NSD2: variants seen among roughly 807,000 people sequenced by gnomAD.
The protein encoded by NSD2 is nuclear receptor binding SET domain protein 2.
In NSD2, 12 loss-of-function variants were observed where a neutral mutation model predicts 139.0. That is an observed-to-expected ratio of 0.09 (90% CI 0.06 to 0.14). NSD2 has a LOEUF of 0.14. Among genes scored for constraint, NSD2 ranks in the 10% least tolerant of loss-of-function variants. The probability of loss-of-function intolerance (pLI) is 1.00; values close to 1 mark genes in which losing one functional copy is unlikely to be tolerated. For synonymous variants in NSD2, 669 were observed against 648.7 expected (o/e 1.03, Z -0.48); for missense variants, 1,155 against 1,745.0 (o/e 0.66, Z 6.02).
chr4:1,936,033 G>A (rs1228753678), intron 7 of NSD2, among the ~76,000 whole-genome samples: 2 of 152,188 alleles, frequency 1.3e-5, no homozygotes, highest in Admixed American at 6.5e-5. Context: ...TAGTTTATTA[G>A]TAATTCATGT....
In NSD2 at chr4:1,981,136, A is replaced by C; in HGVS notation, c.*2227A>C. 2 of 233,314 alleles carry C rather than the reference A, an allele frequency of 8.6e-6. No homozygotes were observed. The highest frequency in any genetic ancestry group is 6.0e-5 in the East Asian group (1 of 16,594). 14.5% of individuals were successfully genotyped at this position (233,314 alleles called of 1,614,324 possible). ...CTTGTGATTTTTAATCGCTTTGATA[A>C]TACTTCCAAATTTTATGATTTTTCT... On this transcript the variant is annotated 3_prime_UTR_variant, in exon 22 of 22. Coordinates refer to ENST00000508803, the MANE Select transcript of NSD2 (RefSeq NM_001042424.3).
At chr4:1,933,809 T>A (rs1050846618) in intron 6 of NSD2, among the ~76,000 whole-genome samples, 5 of 152,184 alleles carry the variant, frequency 3.3e-5, no homozygotes, top group African/African-American at 9.7e-5. Flanking sequence ...ATGTTGAAAT[T>A]AATCATCTCT....
rs374513455 is a variant in NSD2, at chr4:1,928,215, G to A, written c.1411-2411G>A. Reference sequence around the variant, plus strand: ...ATGTGTCCAGCTTGTTTTTTGATATGTTAAGAATAAAGAAGTGGCCACTAT... The same window carrying A: ...ATGTGTCCAGCTTGTTTTTTGATATATTAAGAATAAAGAAGTGGCCACTAT... On this transcript the variant is annotated intron_variant, in intron 5 of 21. Transcript: ENST00000508803. 7.2e-5 allele frequency among the ~76,000 whole-genome samples: 11 copies of A among 152,062 alleles called. No homozygotes were observed. The East Asian group carries it at 1.2e-3, about 16-fold the overall frequency.
chr4:1,977,446 C>G (rs1727211861), intron 21 of NSD2, among the ~76,000 whole-genome samples: 1 of 152,156 alleles, frequency 6.6e-6, no homozygotes, highest in Non-Finnish European at 1.5e-5. Flanking sequence ...TGTGGAATCA[C>G]AGAAGAAAAA....
intron 5 of NSD2, among the ~76,000 whole-genome samples, chr4:1,925,389 C>CTT (rs34335852): frequency 1.6e-4 from 6 of 38,004 alleles, no homozygotes; most frequent in African/African-American, 4.7e-4. Context: ...CTTTTTCTTT[C>CTT]TTTTTTTTTT....
At chr4:1,894,184 T>G (rs1326847363) in intron 1 of NSD2, among the ~76,000 whole-genome samples, 1 of 152,134 alleles carries the variant, frequency 6.6e-6, no homozygotes, top group African/African-American at 2.4e-5. Flanking sequence ...CTCAGACTCC[T>G]GACCTCGAGT....
At chr4:1,912,980 A>G (rs1264152417) in intron 3 of NSD2, among the ~76,000 whole-genome samples, 1 of 152,218 alleles carries the variant, frequency 6.6e-6, no homozygotes, top group Non-Finnish European at 1.5e-5. Context: ...AAATACTTAA[A>G]ATAAGAATAG....
intron 19 of NSD2, 37 bp from the exon 20 acceptor site, chr4:1,975,257 G>A (rs1216577050): frequency 5.0e-6 from 8 of 1,593,930 alleles, no homozygotes; most frequent in Non-Finnish European, 6.0e-6. Context: ...AGAAAGGCAG[G>A]TGTTTCCAAT....
rs768972964 is a variant in NSD2 at position 1,978,683 on chromosome 4, C to T, written c.3872C>T (p.Pro1291Leu). The change falls in exon 22 of 22, where the codon CCT becomes CTT. Residue 1291 changes from proline to leucine, a missense_variant. Physicochemically the swap from Pro to Leu is moderately conservative, Grantham distance 98 (BLOSUM62 -3). Transcript: ENST00000508803. ...PWHHCDVCGK[P>L]STSFCHLCPN... ...CATCATTGTGACGTGTGTGGCAAAC[C>T]TTCGACTTCATTTTGCCACCTCTGC... 6.8e-6 allele frequency: 11 copies of T among 1,613,824 alleles called. No homozygotes were observed. Among genetic ancestry groups the T allele is most frequent in the Admixed American group, 5.0e-5 (3 of 59,986 alleles).
At position 1,980,845 on chromosome 4, in the gene NSD2, G is replaced by A. The variant is rs754764236; in HGVS notation, c.*1936G>A. ...AGTTCAGACTCTAACTTCTCCCAAAGTGTCCTAAGAAAATACTGGATCGGC... is the reference window on the plus strand; with the variant it reads ...AGTTCAGACTCTAACTTCTCCCAAAATGTCCTAAGAAAATACTGGATCGGC... On this transcript the variant is annotated 3_prime_UTR_variant, in exon 22 of 22. Coordinates refer to ENST00000508803, the MANE Select transcript of NSD2 (RefSeq NM_001042424.3). The A allele has an allele frequency of 6.0e-4, 139 of 233,328 alleles. No individual in the cohort carries two copies. Among genetic ancestry groups the A allele is most frequent in the Non-Finnish European group, 6.9e-4 (81 of 118,048 alleles). 14.5% of individuals were successfully genotyped at this position (233,328 alleles called of 1,614,324 possible).
intron 8 of NSD2, 164 bp from the exon 9 acceptor site, chr4:1,939,490 T>C: frequency 1.3e-6 from 1 of 754,100 alleles, no homozygotes; most frequent in South Asian, 1.9e-5. Flanking sequence ...TTGTCTGCTT[T>C]TGTTTATGTT....
chr4:1,937,862 C>T lies in NSD2; in HGVS notation c.1675-589C>T, dbSNP rs903900109. Reference sequence around the variant, plus strand: ...CAGCCCTTGAGAAAAGCTTCATGATCCCTTCTCCCATTTCTTGCTTTTCTC... The same window carrying T: ...CAGCCCTTGAGAAAAGCTTCATGATTCCTTCTCCCATTTCTTGCTTTTCTC... On this transcript the variant is annotated intron_variant, in intron 7 of 21. Coordinates refer to ENST00000508803, the MANE Select transcript of NSD2 (RefSeq NM_001042424.3). Among the ~76,000 whole-genome samples the T allele has an allele frequency of 4.6e-5, 7 of 152,204 alleles. No individual in the cohort carries two copies. In the East Asian group the frequency reaches 1.2e-3, roughly 25 times the overall value.
chr4:1,948,770 GCTAA>G lies in NSD2; in HGVS notation c.1882-2299_1882-2296del. The G allele has an allele frequency of 1.9e-6, 2 of 1,043,580 alleles. No individual in the cohort carries two copies. The highest frequency in any genetic ancestry group is 2.3e-6 in the Non-Finnish European group (2 of 864,604). 64.6% of individuals were successfully genotyped at this position (1,043,580 alleles called of 1,614,324 possible). A position where few individuals can be genotyped will look rare whatever the true frequency, so the allele number is the denominator to read the frequency against. ...AGGAAATCTCTCCAAGTGGAAACGTGCTAACTTTTTCTGTAAATCTGAAATAAAA... is the reference window on the plus strand; with the variant it reads ...AGGAAATCTCTCCAAGTGGAAACGTGCTTTTTCTGTAAATCTGAAATAAAA... On this transcript the variant is annotated intron_variant, in intron 9 of 21. Transcript: ENST00000508803. This position sits in a 1 kb window ranked among gnomAD's most constrained non-coding sequence, Gnocchi z 4.5.
intron 9 of NSD2, chr4:1,947,172 G>T: frequency 9.4e-7 from 1 of 1,064,376 alleles, no homozygotes; most frequent in South Asian, 4.6e-5. Context: ...CTCCTCCCCA[G>T]CACACTCCCT....
chr4:1,888,399 C>T (rs1213830694), intron 1 of NSD2, among the ~76,000 whole-genome samples: 5 of 98,838 alleles, frequency 5.1e-5, no homozygotes, highest in Non-Finnish European at 5.4e-5. Flanking sequence ...GGTGACAGAG[C>T]GAGATTGCCT....
rs1239108420 is a variant in NSD2, at chr4:1,979,800, C to T, written c.*891C>T. Reference sequence around the variant, plus strand: ...GCTAAACCTATTTCACAAATCACCACCGACTGAAGTGTGTGTTTACTGATG... The same window carrying T: ...GCTAAACCTATTTCACAAATCACCATCGACTGAAGTGTGTGTTTACTGATG... On this transcript the variant is annotated 3_prime_UTR_variant, in exon 22 of 22. Coordinates refer to ENST00000508803, the MANE Select transcript of NSD2 (RefSeq NM_001042424.3). 8.6e-6 allele frequency: 2 copies of T among 232,348 alleles called. No homozygotes were observed. The highest frequency in any genetic ancestry group is 8.5e-6 in the Non-Finnish European group (1 of 117,556). The allele number at this position is 232,348 out of a possible 1,614,324, so 14.4% of individuals were successfully genotyped here.
chr4:1,969,937 C>G, intron 18 of NSD2, among the ~76,000 whole-genome samples: 1 of 152,096 alleles, frequency 6.6e-6, no homozygotes, highest in Non-Finnish European at 1.5e-5. Flanking sequence ...TAAGCAAAGC[C>G]TAAACCTCAA....
At chr4:1,906,260 A>T (rs1026027487) in intron 3 of NSD2, among the ~76,000 whole-genome samples, 20 of 151,696 alleles carry the variant, frequency 1.3e-4, no homozygotes, top group African/African-American at 4.8e-4. Flanking sequence ...TTTTTTGGGG[A>T]TGGAGGCTCG....
chr4:1,872,306 A>G (rs1209052207), intron 1 of NSD2, among the ~76,000 whole-genome samples: 1 of 152,136 alleles, frequency 6.6e-6, no homozygotes, highest in Non-Finnish European at 1.5e-5. Flanking sequence ...TAGTCCTTGA[A>G]GCCTCAGTGC....
Sources: allele counts gnomAD v4.1 joint callset (sites outside exome capture counted in the v4.1 genomes callset), GRCh38; gene constraint gnomAD v4.1.1; non-coding constraint Gnocchi (gnomAD v3.1); transcripts MANE v1.5; gene names NCBI Gene and HGNC (gene_info 2026-07-23, HGNC 2026-07-21).